JMJD1C: variants seen among roughly 807,000 people sequenced by gnomAD.
JMJD1C encodes the protein jumonji domain-containing protein 1C.
In JMJD1C, 31 loss-of-function variants were observed where a neutral mutation model predicts 245.3. The ratio of observed to expected loss-of-function variants is 0.13; its 90% CI spans 0.09 to 0.17. JMJD1C has a LOEUF of 0.17. JMJD1C is among the 10% of genes least tolerant of loss of function. The probability of loss-of-function intolerance (pLI) is 1.00; values close to 1 mark genes in which losing one functional copy is unlikely to be tolerated. For synonymous variants in JMJD1C, 1,057 were observed against 1,017.4 expected (o/e 1.04, Z -0.74); for missense variants, 2,691 against 3,000.2 (o/e 0.90, Z 2.41).
At chr10:63,320,758 C>CT (rs977202940) in intron 2 of JMJD1C, among the ~76,000 whole-genome samples, 2 of 152,014 alleles carry the variant, frequency 1.3e-5, no homozygotes, top group African/African-American at 4.8e-5. Flanking sequence ...AATATTTGTC[C>CT]TTTGACTCCT....
At chr10:63,304,099 T>C (rs1422907189) in intron 2 of JMJD1C, among the ~76,000 whole-genome samples, 2 of 152,216 alleles carry the variant, frequency 1.3e-5, no homozygotes. Flanking sequence ...TATCTTTGTA[T>C]TCCTGGCAGT....
intron 1 of JMJD1C, among the ~76,000 whole-genome samples, chr10:63,486,988 A>C (rs1378454549): frequency 6.6e-6 from 1 of 152,244 alleles, no homozygotes; most frequent in Non-Finnish European, 1.5e-5. Context: ...CATTTGCTAA[A>C]TGCTGAAGCC....
At chr10:63,375,695 C>T (rs1057385905) in intron 2 of JMJD1C, among the ~76,000 whole-genome samples, 3 of 152,022 alleles carry the variant, frequency 2.0e-5, no homozygotes, top group Non-Finnish European at 4.4e-5. Flanking sequence ...AGACTATAGG[C>T]GTGAGCCACC....
intron 3 of JMJD1C, among the ~76,000 whole-genome samples, chr10:63,231,868 G>A (rs762050377): frequency 5.3e-5 from 8 of 151,954 alleles, no homozygotes; most frequent in South Asian, 2.1e-4. Flanking sequence ...ACAGAGTCTC[G>A]CTCTTGTCAC....
chr10:63,355,609 G>A (rs1351470153), intron 2 of JMJD1C, among the ~76,000 whole-genome samples: 6 of 152,154 alleles, frequency 3.9e-5, no homozygotes, highest in African/African-American at 9.7e-5. Flanking sequence ...GGGAACAACA[G>A]TAAAAAGCTG....
intron 3 of JMJD1C, among the ~76,000 whole-genome samples, chr10:63,226,321 G>C (rs1038900768): frequency 2.6e-5 from 4 of 152,182 alleles, no homozygotes; most frequent in African/African-American, 9.7e-5. Context: ...CCTTAGTCAT[G>C]ATCTACAAAT....
chr10:63,408,713 GTT>G (rs58262465), intron 1 of JMJD1C, among the ~76,000 whole-genome samples: 5 of 143,070 alleles, frequency 3.5e-5, no homozygotes, highest in East Asian at 2.0e-4. Flanking sequence ...ATGTAGGGTG[GTT>G]TTTTTTTTTT....
intron 1 of JMJD1C, among the ~76,000 whole-genome samples, chr10:63,445,177 G>A (rs994151197): frequency 5.9e-5 from 9 of 152,262 alleles, no homozygotes; most frequent in African/African-American, 1.9e-4. Flanking sequence ...CTATGACCAC[G>A]CCATCGTACT....
At chr10:63,373,959 C>G (rs1222073803) in intron 2 of JMJD1C, among the ~76,000 whole-genome samples, 1 of 152,074 alleles carries the variant, frequency 6.6e-6, no homozygotes, top group African/African-American at 2.4e-5. Flanking sequence ...CAAGCATTCT[C>G]ACTTCACTTG....
intron 1 of JMJD1C, among the ~76,000 whole-genome samples, chr10:63,462,398 T>C (rs2133095897): frequency 6.6e-6 from 1 of 152,348 alleles, no homozygotes; most frequent in South Asian, 2.1e-4. Context: ...GTTCATATTG[T>C]ACAAGAAATA....
intron 2 of JMJD1C, among the ~76,000 whole-genome samples, chr10:63,326,425 T>TAAATAAAG (rs745783867): frequency 2.9e-5 from 4 of 139,260 alleles, no homozygotes; most frequent in Admixed American, 1.4e-4. Flanking sequence ...AATAAATAAA[T>TAAATAAAG]AAAGATAATA....
In JMJD1C at chr10:63,465,586, T is replaced by G. The variant is rs1953189825; in HGVS notation, c.77A>C (p.Glu26Ala). The G allele has an allele frequency of 6.2e-7, 1 of 1,609,284 alleles. No homozygotes were observed. The highest frequency in any genetic ancestry group is 1.7e-5 in the Admixed American group (1 of 59,980). ...CCAGCCGCGTCCGCTCTCCCAGCGC[T>G]CCGAACGTGCCTCGTCGCCGACCGC... ...CVAVGDEARS[E>A]RWESGRGWRS... The change falls in exon 1 of 26, where the codon GAG becomes GCG. Residue 26 changes from glutamate (E) to alanine (A), a missense_variant. Physicochemically the swap from Glu to Ala is moderately radical, Grantham distance 107 (BLOSUM62 -1). Coordinates refer to ENST00000399262, the MANE Select transcript of JMJD1C (RefSeq NM_032776.3).
intron 1 of JMJD1C, among the ~76,000 whole-genome samples, chr10:63,477,365 A>G (rs1953694588): frequency 6.9e-6 from 1 of 145,740 alleles, no homozygotes; most frequent in Admixed American, 7.1e-5. Flanking sequence ...TAGCTGCAGT[A>G]ATCAACTCAC....
intron 2 of JMJD1C, among the ~76,000 whole-genome samples, chr10:63,280,757 T>C (rs1471888729): frequency 6.6e-6 from 1 of 152,174 alleles, no homozygotes; most frequent in African/African-American, 2.4e-5. Context: ...TGCTACCACT[T>C]GTGTATATAT....
intron 2 of JMJD1C, among the ~76,000 whole-genome samples, chr10:63,365,602 G>C (rs1945770250): frequency 6.6e-6 from 1 of 151,948 alleles, no homozygotes; most frequent in African/African-American, 2.4e-5. Context: ...AGCTCCACTA[G>C]AGGAGAAAAA....
At chr10:63,461,100 T>C (rs750354769) in intron 1 of JMJD1C, among the ~76,000 whole-genome samples, 2 of 152,188 alleles carry the variant, frequency 1.3e-5, no homozygotes, top group Non-Finnish European at 2.9e-5. Flanking sequence ...TAGCTAGTGG[T>C]AGTAACTGCA....
chr10:63,392,040 T>C (rs1589654312), intron 1 of JMJD1C, among the ~76,000 whole-genome samples: 2 of 152,196 alleles, frequency 1.3e-5, no homozygotes, highest in East Asian at 3.8e-4. Context: ...CTGTCGCAAT[T>C]TCCTCAGTTA....
intron 10 of JMJD1C, chr10:63,203,829 A>G: frequency 1.0e-6 from 1 of 978,152 alleles, no homozygotes. Context: ...ATGTAATCAT[A>G]TTACATAGTT....
chr10:63,433,936 T>C (rs1054210815), intron 1 of JMJD1C, among the ~76,000 whole-genome samples: 10 of 149,798 alleles, frequency 6.7e-5, no homozygotes, highest in Non-Finnish European at 1.5e-4. Context: ...AAGCTAACAA[T>C]TTAGAGAGGG....
Sources: gnomAD v4.1 joint callset for allele counts (sites outside exome capture counted in the v4.1 genomes callset) on GRCh38, gnomAD v4.1.1 for gene constraint, MANE v1.5 for transcripts, NCBI Gene and HGNC (gene_info 2026-07-23, HGNC 2026-07-21) for gene names.